CACNA2D1: variants seen among roughly 807,000 people sequenced by gnomAD.
CACNA2D1 encodes the protein calcium voltage-gated channel auxiliary subunit alpha2delta 1, also known as voltage-dependent calcium channel subunit alpha-2/delta-1.
Under a neutral mutation model 171.5 loss-of-function variants are expected in CACNA2D1, and 53 were observed. That is an observed-to-expected ratio of 0.31 (90% CI 0.25 to 0.39). The LOEUF (loss-of-function observed/expected upper bound fraction) is 0.39, where lower values mean the gene tolerates loss of function less well. Among genes scored for constraint, CACNA2D1 ranks in the 10% least tolerant of loss-of-function variants. CACNA2D1 has a pLI of 1.00. For missense variants in CACNA2D1, 903 were observed against 1,299.8 expected (o/e 0.69, Z 4.69); for synonymous variants, 442 against 443.1 (o/e 1.00, Z 0.03).
chr7:82,021,996 T>G (rs911679685), intron 12 of CACNA2D1, among the ~76,000 whole-genome samples: 5 of 152,006 alleles, frequency 3.3e-5, no homozygotes, highest in African/African-American at 1.2e-4. Flanking sequence ...GCCATTTCTG[T>G]GCTATAAAGT....
intron 3 of CACNA2D1, among the ~76,000 whole-genome samples, chr7:82,191,903 A>C (rs1486312050): frequency 1.3e-5 from 2 of 151,834 alleles, no homozygotes; most frequent in African/African-American, 4.8e-5. Context: ...ATGAGGTTTC[A>C]TATTCATCTT....
intron 1 of CACNA2D1, among the ~76,000 whole-genome samples, chr7:82,404,895 T>C (rs751508970): frequency 1.2e-4 from 19 of 152,212 alleles, no homozygotes; most frequent in Admixed American, 3.3e-4. Context: ...GTCATTCAAG[T>C]ACTAAATTTA....
At chr7:82,055,363 T>C in intron 10 of CACNA2D1, among the ~76,000 whole-genome samples, 1 of 152,092 alleles carries the variant, frequency 6.6e-6, no homozygotes, top group Non-Finnish European at 1.5e-5. Flanking sequence ...CTAATGGCTT[T>C]AGACAACAAA....
In CACNA2D1 at chr7:82,020,924, G is replaced by A. The variant is rs1801117281; in HGVS notation, c.1144-6445C>T. The A allele has an allele frequency of 4.6e-5, 7 of 152,124 alleles. No individual in the cohort carries two copies. In the South Asian group the frequency reaches 1.5e-3, roughly 32 times the overall value. The allele number at this position is 152,124 out of a possible 1,614,324, so 9.4% of individuals were successfully genotyped here. ...ACTGTTTTATAAACGGCAACAAAGT[G>A]CAGTAGTCATGTAAGTTTTGCACAC... On this transcript the variant is annotated intron_variant, in intron 12 of 38. Transcript: ENST00000356860.
chr7:82,386,664 C>T (rs138372256), intron 1 of CACNA2D1, among the ~76,000 whole-genome samples: 1,746 of 151,668 alleles, frequency 0.012, 59 homozygotes, highest in East Asian at 0.07. Context: ...ACTCGAGAGG[C>T]GGAGGTTGTG....
At chr7:82,434,251 A>G (rs963094789) in intron 1 of CACNA2D1, among the ~76,000 whole-genome samples, 3 of 152,162 alleles carry the variant, frequency 2.0e-5, no homozygotes, top group Admixed American at 2.0e-4. Context: ...ATTTAAAAAT[A>G]TTTCTCTTTT....
intron 1 of CACNA2D1, among the ~76,000 whole-genome samples, chr7:82,400,658 G>A (rs1316548502): frequency 1.3e-5 from 2 of 152,150 alleles, no homozygotes; most frequent in African/African-American, 4.8e-5. Flanking sequence ...AGGACTTCAT[G>A]CCTAAAACAC....
intron 3 of CACNA2D1, among the ~76,000 whole-genome samples, chr7:82,224,015 C>T (rs1036655177): frequency 1.3e-5 from 2 of 152,100 alleles, no homozygotes; most frequent in African/African-American, 2.4e-5. Flanking sequence ...CTAAAGATCC[C>T]TTGCCTGGAA....
At chr7:82,270,390 G>T (rs1808462781) in intron 3 of CACNA2D1, among the ~76,000 whole-genome samples, 1 of 152,068 alleles carries the variant, frequency 6.6e-6, no homozygotes, top group Non-Finnish European at 1.5e-5. Flanking sequence ...CACTATTGTT[G>T]TGAGATATAT....
rs865852847 is a variant in CACNA2D1 at position 82,443,141 on chromosome 7, A to C, written c.95+224T>G. 2.8e-3 allele frequency among the ~76,000 whole-genome samples: 421 copies of C among 152,066 alleles called. 1 individual carries two copies. Among genetic ancestry groups the C allele is most frequent in the African/African-American group, 9.6e-3 (398 of 41,514 alleles). On this transcript the variant is annotated intron_variant, in intron 1 of 38. Coordinates refer to ENST00000356860, the MANE Select transcript of CACNA2D1 (RefSeq NM_000722.4). Reference sequence around the variant, plus strand: ...GCGCTTCCCGGGACAGTCGGCCCCCAGTGCCCGGCCCCGTGGAGGCGCCCG... The same window carrying C: ...GCGCTTCCCGGGACAGTCGGCCCCCCGTGCCCGGCCCCGTGGAGGCGCCCG...
chr7:82,041,722 A>T (rs1803986339), intron 10 of CACNA2D1, among the ~76,000 whole-genome samples: 1 of 152,162 alleles, frequency 6.6e-6, no homozygotes, highest in Admixed American at 6.5e-5. Context: ...TTCTTTGGTT[A>T]TTGGATGCAA....
chr7:82,068,689 C>A (rs1231076926), intron 7 of CACNA2D1, among the ~76,000 whole-genome samples: 1 of 147,728 alleles, frequency 6.8e-6, no homozygotes, highest in Non-Finnish European at 1.5e-5. Context: ...GTTACCACTG[C>A]CAATATGACA....
intron 5 of CACNA2D1, among the ~76,000 whole-genome samples, chr7:82,120,387 T>C (rs554609503): frequency 3.3e-5 from 5 of 152,364 alleles, no homozygotes; most frequent in East Asian, 1.9e-4. Context: ...TTACTGATTT[T>C]AGAATTTTTT....
rs1554319023 is a variant in CACNA2D1, at chr7:81,947,717, ATAATT to A, written c.*2670_*2674del. ...TGGAAATCAATATTAATAACAGGCT[ATAATT>A]TAAGTTCTTGTCAATGTAACTCAGA... is the stretch of plus-strand genomic sequence containing the variant. On this transcript the variant is annotated 3_prime_UTR_variant, in exon 39 of 39. Transcript: ENST00000356860. 1 of 151,916 alleles carries A rather than the reference ATAATT, an allele frequency of 6.6e-6. No homozygotes were observed. Among genetic ancestry groups the A allele is most frequent in the Non-Finnish European group, 1.5e-5 (1 of 67,848 alleles). 9.4% of individuals were successfully genotyped at this position (151,916 alleles called of 1,614,324 possible). A position where few individuals can be genotyped will look rare whatever the true frequency, so the allele number is the denominator to read the frequency against.
intron 12 of CACNA2D1, among the ~76,000 whole-genome samples, chr7:82,020,567 T>C (rs1584437943): frequency 1.3e-5 from 2 of 152,210 alleles, no homozygotes; most frequent in Non-Finnish European, 2.9e-5. Flanking sequence ...GACAACAATG[T>C]CTTTTATAGT....
intron 3 of CACNA2D1, among the ~76,000 whole-genome samples, chr7:82,265,579 T>C (rs1186473426): frequency 6.6e-6 from 1 of 152,058 alleles, no homozygotes; most frequent in Non-Finnish European, 1.5e-5. Flanking sequence ...GAAGTTGATT[T>C]AATCTGCTCT....
At chr7:82,192,792 TCTAA>T (rs747683480) in intron 3 of CACNA2D1, among the ~76,000 whole-genome samples, 1 of 146,954 alleles carries the variant, frequency 6.8e-6, no homozygotes, top group African/African-American at 2.6e-5. Flanking sequence ...CTTCTGTAAC[TCTAA>T]CTAAACACAC....
At chr7:82,405,515 G>C (rs990009888) in intron 1 of CACNA2D1, among the ~76,000 whole-genome samples, 2 of 152,016 alleles carry the variant, frequency 1.3e-5, no homozygotes, top group African/African-American at 4.8e-5. Context: ...CTACTGAGTA[G>C]GAAAATGAAT....
At chr7:82,347,530 T>G (rs1259329556) in intron 2 of CACNA2D1, among the ~76,000 whole-genome samples, 1 of 152,048 alleles carries the variant, frequency 6.6e-6, no homozygotes, top group Non-Finnish European at 1.5e-5. Context: ...CAACTTCTGG[T>G]CCTCACCATA....
Sources: allele counts gnomAD v4.1 joint callset (sites outside exome capture counted in the v4.1 genomes callset), GRCh38; gene constraint gnomAD v4.1.1; transcripts MANE v1.5; gene names NCBI Gene and HGNC (gene_info 2026-07-23, HGNC 2026-07-21).